The following MAF variants were observed in gnomAD, a reference collection of about 807,000 sequenced individuals.
MAF encodes the protein transcription factor Maf.
Under a neutral mutation model 22.0 loss-of-function variants are expected in MAF, and 10 were observed. The ratio of observed to expected loss-of-function variants is 0.45; its 90% CI spans 0.28 to 0.77. MAF has a LOEUF of 0.77. Among genes scored for constraint, MAF ranks in the 30% least tolerant of loss-of-function variants. The probability of loss-of-function intolerance (pLI) is 0.12; values close to 1 mark genes in which losing one functional copy is unlikely to be tolerated. For missense variants in MAF, 544 were observed against 548.4 expected, an observed-to-expected ratio of 0.99 and a Z score of 0.08; for synonymous variants, 337 against 255.8, an observed-to-expected ratio of 1.32 and a Z score of -3.03.
chr16:79,538,750 A>G, the MAF span, among the ~76,000 whole-genome samples: 1 of 151,654 alleles, frequency 6.6e-6, no homozygotes, highest in Admixed American at 6.6e-5. Flanking sequence ...CACTTGAACC[A>G]AGGAGGTGGA....
At chr16:79,221,841 TTC>T in the MAF span, among the ~76,000 whole-genome samples, 1 of 152,204 alleles carries the variant, frequency 6.6e-6, no homozygotes, top group African/African-American at 2.4e-5. Context: ...ATCTGTGAAG[TTC>T]TGTTATTAAA....
the MAF span, among the ~76,000 whole-genome samples, chr16:79,330,691 C>T: frequency 6.6e-6 from 1 of 152,218 alleles, no homozygotes; most frequent in Non-Finnish European, 1.5e-5. Context: ...ACTGAACAGC[C>T]AGAAGGTGCC....
At chr16:79,565,936 A>G in the MAF span, among the ~76,000 whole-genome samples, 2 of 152,204 alleles carry the variant, frequency 1.3e-5, no homozygotes, top group Non-Finnish European at 2.9e-5. Flanking sequence ...TCACACAGCT[A>G]GAAACTGACA....
chr16:79,389,070 G>A, the MAF span, among the ~76,000 whole-genome samples: 1 of 152,186 alleles, frequency 6.6e-6, no homozygotes, highest in African/African-American at 2.4e-5. Context: ...ATCGGAGACA[G>A]CAGCATTTGT....
At chr16:79,232,107 GT>G in the MAF span, among the ~76,000 whole-genome samples, 1 of 152,032 alleles carries the variant, frequency 6.6e-6, no homozygotes, top group Non-Finnish European at 1.5e-5. Context: ...TACAGATGAA[GT>G]TTTGTTCCCT....
the MAF span, among the ~76,000 whole-genome samples, chr16:79,526,746 C>G: frequency 2.6e-5 from 4 of 152,274 alleles, no homozygotes; most frequent in Non-Finnish European, 4.4e-5. Context: ...GGTGAAAATA[C>G]TCCCACCATG....
chr16:79,538,903 G>C, the MAF span, among the ~76,000 whole-genome samples: 8 of 119,722 alleles, frequency 6.7e-5, no homozygotes, highest in East Asian at 2.2e-3. Flanking sequence ...AAGAAAGAAA[G>C]AAAGAAAAAG....
chr16:79,356,775 C>T, the MAF span, among the ~76,000 whole-genome samples: 2 of 152,158 alleles, frequency 1.3e-5, no homozygotes, highest in South Asian at 4.1e-4. Context: ...TCTGACCACA[C>T]CTGGGTCCAA....
the MAF span, among the ~76,000 whole-genome samples, chr16:79,458,109 A>AGTGTGTGTGT: frequency 0.06 from 8,177 of 136,370 alleles, 367 homozygotes; most frequent in East Asian, 0.12. Flanking sequence ...GGTATGTATA[A>AGTGTGTGTGT]GTGTGTGTGT....
chr16:79,596,563 C>A, intron 1 of MAF: 2 of 1,048,990 alleles, frequency 1.9e-6, no homozygotes, highest in Non-Finnish European at 2.3e-6. Flanking sequence ...CACATAGGAA[C>A]AACACGCGTG....
At chr16:79,378,389 C>T in the MAF span, among the ~76,000 whole-genome samples, 2 of 152,098 alleles carry the variant, frequency 1.3e-5, no homozygotes, top group African/African-American at 2.4e-5. Context: ...ATTTTTTATT[C>T]TATTATTATA....
chr16:79,267,046 G>A, the MAF span, among the ~76,000 whole-genome samples: 2 of 152,154 alleles, frequency 1.3e-5, no homozygotes, highest in African/African-American at 2.4e-5. Flanking sequence ...TCCACTATGG[G>A]GCTGTGAATC....
chr16:79,432,063 A>G, the MAF span, among the ~76,000 whole-genome samples: 1 of 152,130 alleles, frequency 6.6e-6, no homozygotes, highest in Non-Finnish European at 1.5e-5. Context: ...TTGAATTATA[A>G]TCTCCAAAAT....
the MAF span, among the ~76,000 whole-genome samples, chr16:79,358,650 G>A: frequency 6.6e-6 from 1 of 152,230 alleles, no homozygotes; most frequent in Non-Finnish European, 1.5e-5. Flanking sequence ...GATAATGTAG[G>A]TGAGGGCTTT....
the MAF span, among the ~76,000 whole-genome samples, chr16:79,546,399 A>C: frequency 6.6e-6 from 1 of 152,134 alleles, no homozygotes; most frequent in Non-Finnish European, 1.5e-5. Flanking sequence ...ACTTTTTATG[A>C]ATGAGTGACT....
At chr16:79,260,298 GCAC>G in the MAF span, among the ~76,000 whole-genome samples, 8 of 152,022 alleles carry the variant, frequency 5.3e-5, no homozygotes, top group Non-Finnish European at 1.2e-4. Flanking sequence ...TGAAAGGTGT[GCAC>G]CACCACACCT....
the MAF span, among the ~76,000 whole-genome samples, chr16:79,543,439 G>T: frequency 6.6e-6 from 1 of 152,322 alleles, no homozygotes; most frequent in East Asian, 1.9e-4. Context: ...CTTACACAAA[G>T]AGCATGTGGT....
chr16:79,476,988 G>A, the MAF span, among the ~76,000 whole-genome samples: 2 of 152,124 alleles, frequency 1.3e-5, no homozygotes, highest in African/African-American at 4.8e-5. Context: ...AAGGTCAAGT[G>A]CCATCCACAC....
chr16:79,484,491 G>A, the MAF span, among the ~76,000 whole-genome samples: 1 of 152,220 alleles, frequency 6.6e-6, no homozygotes, highest in Non-Finnish European at 1.5e-5. Context: ...GTCCTTACCA[G>A]GGGTCAGCCA....
Sources: allele counts gnomAD v4.1 joint callset (sites outside exome capture counted in the v4.1 genomes callset), GRCh38; gene constraint gnomAD v4.1.1; transcripts MANE v1.5; gene names NCBI Gene and HGNC (gene_info 2026-07-23, HGNC 2026-07-21).